Variants in SLC35F3 observed in about 807,000 individuals in gnomAD.
SLC35F3 encodes putative thiamine transporter SLC35F3.
Under a neutral mutation model 49.9 loss-of-function variants are expected in SLC35F3, and 25 were observed. That is an observed-to-expected ratio of 0.50 (90% CI 0.37 to 0.70). SLC35F3 has a LOEUF of 0.70. SLC35F3 is among the 30% of genes least tolerant of loss of function. The probability of loss-of-function intolerance (pLI) is 0.00; values close to 1 mark genes in which losing one functional copy is unlikely to be tolerated. For missense variants in SLC35F3, 525 were observed against 639.8 expected, an observed-to-expected ratio of 0.82 and a Z score of 1.94; for synonymous variants, 275 against 265.4, an observed-to-expected ratio of 1.04 and a Z score of -0.35.
intron 2 of SLC35F3, among the ~76,000 whole-genome samples, chr1:234,113,266 T>C (rs1665435551): frequency 6.6e-6 from 1 of 152,118 alleles, no homozygotes; most frequent in South Asian, 2.1e-4. Context: ...CATAAAAGAA[T>C]CAGGATGGAG....
intron 2 of SLC35F3, among the ~76,000 whole-genome samples, chr1:234,159,838 C>T (rs1438597662): frequency 6.6e-6 from 1 of 152,174 alleles, no homozygotes; most frequent in Admixed American, 6.5e-5. Context: ...AAAATAATCA[C>T]TACACAATCA....
At chr1:233,908,598 A>G (rs1428116868) in intron 2 of SLC35F3, among the ~76,000 whole-genome samples, 5 of 138,732 alleles carry the variant, frequency 3.6e-5, no homozygotes, top group African/African-American at 8.3e-5. Context: ...CTGGAGTGCA[A>G]TGGTGCAATC....
chr1:233,950,751 T>C (rs1662593013), intron 2 of SLC35F3, among the ~76,000 whole-genome samples: 1 of 152,170 alleles, frequency 6.6e-6, no homozygotes, highest in Non-Finnish European at 1.5e-5. Flanking sequence ...TGCTTTATTT[T>C]TTCTCATCAG....
intron 2 of SLC35F3, among the ~76,000 whole-genome samples, chr1:234,140,002 A>AATAAAATAAAATAAAATAAAATAAAAAAT: frequency 5.7e-5 from 6 of 105,366 alleles, no homozygotes; most frequent in Non-Finnish European, 1.2e-4. Flanking sequence ...AATAAAATAA[A>AATAAAATAAAATAAAATAAAATAAAAAAT]GTAAGTGACT....
At chr1:234,255,465 A>C (rs1667805990) in intron 3 of SLC35F3, among the ~76,000 whole-genome samples, 1 of 152,204 alleles carries the variant, frequency 6.6e-6, no homozygotes, top group Admixed American at 6.5e-5. Context: ...AGAACTAAAC[A>C]TACCTGTATA....
rs543760226 is a variant in SLC35F3, at chr1:234,264,945, G to A, written c.608+33204G>A. Among the ~76,000 whole-genome samples, 11 of 152,302 alleles carry A rather than the reference G, an allele frequency of 7.2e-5. No homozygotes were observed. In the South Asian group the frequency reaches 2.1e-3, roughly 29 times the overall value. The stretch of plus-strand genomic sequence containing the variant: ...GTGTCATCTCCCTTCCTCTCTGGCT[G>A]TTCCTTCTCAGGCTGCTTTACTGGT... On this transcript the variant is annotated intron_variant, in intron 3 of 7. Transcript: ENST00000366618.
chr1:234,078,161 TA>T (rs1450854550), intron 2 of SLC35F3, among the ~76,000 whole-genome samples: 1 of 152,198 alleles, frequency 6.6e-6, no homozygotes, highest in Non-Finnish European at 1.5e-5. Flanking sequence ...CTTTTTCCTT[TA>T]GGTTCCTTTC....
rs190178426 is a variant in SLC35F3 at position 234,050,716 on chromosome 1, C to G, written c.283+144958C>G. Among the ~76,000 whole-genome samples, 8 of 152,272 alleles carry G rather than the reference C, an allele frequency of 5.3e-5. No homozygotes were observed. In the East Asian group the frequency reaches 1.2e-3, roughly 22 times the overall value. ...TTTAGTCATGAAATCCTTGCCCATG[C>G]CTATGTCCTGAATGATATTGCCTAG... On this transcript the variant is annotated intron_variant, in intron 2 of 7. Coordinates refer to ENST00000366618, the MANE Select transcript of SLC35F3 (RefSeq NM_173508.4).
chr1:233,937,232 G>A (rs1053957582), intron 2 of SLC35F3, among the ~76,000 whole-genome samples: 21 of 152,330 alleles, frequency 1.4e-4, no homozygotes, highest in Middle Eastern at 3.4e-3. Flanking sequence ...TGCTGCTCAT[G>A]TGAGAACCTA....
chr1:234,223,142 C>G (rs1321202067), intron 2 of SLC35F3, among the ~76,000 whole-genome samples: 1 of 152,204 alleles, frequency 6.6e-6, no homozygotes, highest in East Asian at 1.9e-4. Context: ...TCATGATTCA[C>G]CTTAGGCTGA....
chr1:234,164,969 A>G (rs974504722), intron 2 of SLC35F3, among the ~76,000 whole-genome samples: 1 of 151,522 alleles, frequency 6.6e-6, no homozygotes. Context: ...CCAACATGCT[A>G]TAGTTGGGAC....
chr1:234,058,196 T>C (rs566921372), intron 2 of SLC35F3, among the ~76,000 whole-genome samples: 14 of 152,146 alleles, frequency 9.2e-5, no homozygotes, highest in African/African-American at 3.1e-4. Flanking sequence ...TTTGGGTTTT[T>C]TTTTCGAGGA....
intron 2 of SLC35F3, among the ~76,000 whole-genome samples, chr1:234,009,368 G>A (rs1663678747): frequency 1.3e-5 from 2 of 152,168 alleles, no homozygotes; most frequent in Admixed American, 6.5e-5. Flanking sequence ...TGATTCAAGT[G>A]CAGTCCTCAT....
At chr1:234,148,950 G>A (rs1480133702) in intron 2 of SLC35F3, among the ~76,000 whole-genome samples, 2 of 152,164 alleles carry the variant, frequency 1.3e-5, no homozygotes, top group African/African-American at 4.8e-5. Flanking sequence ...GCATGAGGTG[G>A]GGGCAGGGGA....
At chr1:234,224,392 A>G (rs1303056979) in intron 2 of SLC35F3, among the ~76,000 whole-genome samples, 1 of 152,196 alleles carries the variant, frequency 6.6e-6, no homozygotes, top group African/African-American at 2.4e-5. Context: ...ACTTTCTTAG[A>G]GGCCCTGTCT....
chr1:233,924,203 A>C (rs6680395), intron 2 of SLC35F3, among the ~76,000 whole-genome samples: 1 of 152,014 alleles, frequency 6.6e-6, no homozygotes, highest in African/African-American at 2.4e-5. Flanking sequence ...TGATTGGAAT[A>C]GTTTTAGAAG....
At chr1:234,295,229 C>T (rs913627732) in intron 3 of SLC35F3, among the ~76,000 whole-genome samples, 3 of 152,166 alleles carry the variant, frequency 2.0e-5, no homozygotes, top group Admixed American at 6.5e-5. Flanking sequence ...ACATGAGTGA[C>T]GAAGGGACTA....
intron 2 of SLC35F3, among the ~76,000 whole-genome samples, chr1:234,141,251 A>G (rs1169966115): frequency 3.3e-5 from 5 of 152,142 alleles, no homozygotes; most frequent in African/African-American, 1.2e-4. Flanking sequence ...TAAGCTAATG[A>G]GTCATGTCCT....
chr1:234,110,987 T>C (rs1329993850), intron 2 of SLC35F3, among the ~76,000 whole-genome samples: 2 of 152,166 alleles, frequency 1.3e-5, no homozygotes, highest in African/African-American at 4.8e-5. Context: ...AAAAATCTAG[T>C]ATAAGCTTTA....
Sources: gnomAD v4.1 joint callset for allele counts (sites outside exome capture counted in the v4.1 genomes callset) on GRCh38, gnomAD v4.1.1 for gene constraint, MANE v1.5 for transcripts, NCBI Gene and HGNC (gene_info 2026-07-23, HGNC 2026-07-21) for gene names.